Variants in OR11A1 observed in about 807,000 individuals in gnomAD.
The protein encoded by OR11A1 is olfactory receptor 11A1.
For missense variants in OR11A1, 380 were observed against 378.2 expected (o/e 1.00, Z -0.04); for synonymous variants, 158 against 152.2 (o/e 1.04, Z -0.28).
At chr6:29,447,499 A>T (rs760717171) in intron 1 of OR11A1, among the ~76,000 whole-genome samples, 3 of 152,238 alleles carry the variant, frequency 2.0e-5, no homozygotes, top group African/African-American at 4.8e-5. Context: ...TGTTGAATGA[A>T]TTTGAACGAG....
At chr6:29,439,551 G>A (rs1168027993) in intron 1 of OR11A1, 1 of 157,598 alleles carries the variant, frequency 6.3e-6, no homozygotes, top group Admixed American at 6.5e-5. Context: ...AAACTAGAGG[G>A]CAAGAGGTGA....
chr6:29,449,319 C>T (rs186244718), intron 1 of OR11A1, among the ~76,000 whole-genome samples: 6 of 152,262 alleles, frequency 3.9e-5, no homozygotes, highest in African/African-American at 1.4e-4. Flanking sequence ...GAAAACCTCT[C>T]TACTCTCTGT....
At chr6:29,441,900 G>A (rs922268464) in intron 1 of OR11A1, among the ~76,000 whole-genome samples, 1 of 152,192 alleles carries the variant, frequency 6.6e-6, no homozygotes, top group African/African-American at 2.4e-5. Flanking sequence ...CCATGTTGCT[G>A]CAAAGGACAT....
At chr6:29,440,612 C>T (rs775968069) in intron 1 of OR11A1, 5 of 1,613,890 alleles carry the variant, frequency 3.1e-6, no homozygotes, top group Non-Finnish European at 4.2e-6. Flanking sequence ...TGCAGATTAT[C>T]CTGGCAACAG....
intron 1 of OR11A1, among the ~76,000 whole-genome samples, chr6:29,442,180 G>C (rs1475172779): frequency 6.6e-6 from 1 of 152,190 alleles, no homozygotes; most frequent in Non-Finnish European, 1.5e-5. Flanking sequence ...AATATCAGTG[G>C]CATTGGAACC....
chr6:29,426,651 TG>T lies in OR11A1; in HGVS notation c.*42del, dbSNP rs1179268190. 1 of 1,501,780 alleles carries T rather than the reference TG, an allele frequency of 6.7e-7. No homozygotes were observed. Among genetic ancestry groups the T allele is most frequent in the Admixed American group, 1.8e-5 (1 of 54,998 alleles). 93.0% of individuals were successfully genotyped at this position (1,501,780 alleles called of 1,614,324 possible). A position where few individuals can be genotyped will look rare whatever the true frequency, so the allele number is the denominator to read the frequency against. ...CAACCCATCCTGGAAGAGTCCCCAG[TG>T]GAGGTGTCCGAAGTCCAAAATAACA... is the stretch of plus-strand genomic sequence containing the variant. On this transcript the variant is annotated 3_prime_UTR_variant, in exon 5 of 5. Transcript: ENST00000377149.
At chr6:29,431,579 C>T (rs1783233044) in intron 2 of OR11A1, among the ~76,000 whole-genome samples, 1 of 152,048 alleles carries the variant, frequency 6.6e-6, no homozygotes, top group African/African-American at 2.4e-5. Context: ...TACTGTTCCC[C>T]ATCTCCAAAA....
intron 3 of OR11A1, among the ~76,000 whole-genome samples, chr6:29,429,364 T>C (rs1236574306): frequency 1.3e-5 from 2 of 152,182 alleles, no homozygotes; most frequent in Non-Finnish European, 1.5e-5. Context: ...CCTTGACTAA[T>C]AGAGCCCTTT....
chr6:29,427,195 G>C lies in OR11A1; in HGVS notation c.447C>G (p.Thr149=), dbSNP rs1019097774. The change falls in exon 5 of 5, where the codon ACC becomes ACG. Residue 149 remains threonine (T), a synonymous_variant. Transcript: ENST00000377149. The part of the protein sequence containing the change: ...PRRYMGLVVT[T]WLSGFVVDGL... ...CATCTACCACAAATCCAGAGAGCCA[G>C]GTTGTGACCACCAGCCCCATGTACC... The C allele has an allele frequency of 1.9e-6, 3 of 1,613,014 alleles. No homozygotes were observed. The African/African-American group carries it at 4.0e-5, about 22-fold the overall frequency.
At chr6:29,448,010 C>CTTT (rs9280602) in intron 1 of OR11A1, among the ~76,000 whole-genome samples, 1,534 of 79,854 alleles carry the variant, frequency 0.019, 72 homozygotes, top group African/African-American at 0.034. Context: ...ATGACCCTTT[C>CTTT]TTTTTTTTTT....
In OR11A1 at chr6:29,427,279, A is replaced by G. The variant is rs961125255; in HGVS notation, c.363T>C (p.Tyr121=). 1 of 1,613,116 alleles carries G rather than the reference A, an allele frequency of 6.2e-7. No homozygotes were observed. Among genetic ancestry groups the G allele is most frequent in the African/African-American group, 1.3e-5 (1 of 75,056 alleles). The change falls in exon 5 of 5, where the codon TAT becomes TAC. Residue 121 remains tyrosine, a synonymous_variant. Transcript: ENST00000377149. ...AECLLLAVMA[Y]DRYLAICYPL... is the part of the protein sequence containing the mutation. Reference sequence around the variant, plus strand: ...GGTAGCAAATTGCCAGGTAGCGGTCATATGCCATGACAGCCAGCAGTAAGC... The same window carrying G: ...GGTAGCAAATTGCCAGGTAGCGGTCGTATGCCATGACAGCCAGCAGTAAGC...
chr6:29,451,463 G>A (rs1785367511), intron 1 of OR11A1, among the ~76,000 whole-genome samples: 1 of 152,178 alleles, frequency 6.6e-6, no homozygotes. Context: ...TCTGACAAAA[G>A]TCTAATATCC....
At chr6:29,428,866 T>C in intron 4 of OR11A1, 47 bp downstream of exon 4, 1 of 726,288 alleles carries the variant, frequency 1.4e-6, no homozygotes, top group Non-Finnish European at 1.7e-6. Flanking sequence ...CAAAGAGTTG[T>C]AATTGAGCAT....
intron 1 of OR11A1, among the ~76,000 whole-genome samples, chr6:29,445,625 C>T (rs1287619169): frequency 6.6e-6 from 1 of 152,150 alleles, no homozygotes; most frequent in Non-Finnish European, 1.5e-5. Context: ...CATGGTCCCC[C>T]TGCGTTTCTG....
chr6:29,439,985 T>A (rs1783969491), intron 1 of OR11A1: 1 of 1,568,482 alleles, frequency 6.4e-7, no homozygotes, highest in African/African-American at 1.4e-5. Flanking sequence ...TGCCATTTCT[T>A]TTGTCTTCCA....
chr6:29,455,309 A>G (rs1400657590), intron 1 of OR11A1, among the ~76,000 whole-genome samples: 1 of 152,238 alleles, frequency 6.6e-6, no homozygotes, highest in African/African-American at 2.4e-5. Flanking sequence ...ATATACTTTT[A>G]TCATAAAAGG....
chr6:29,449,256 G>A (rs545694355), intron 1 of OR11A1, among the ~76,000 whole-genome samples: 1 of 152,274 alleles, frequency 6.6e-6, no homozygotes, highest in African/African-American at 2.4e-5. Flanking sequence ...ACTCTAATAT[G>A]GGATGTTGTT....
chr6:29,427,865 G>T, intron 4 of OR11A1, 133 bp from the exon 5 acceptor site: 1 of 701,840 alleles, frequency 1.4e-6, no homozygotes, highest in South Asian at 2.4e-5. Flanking sequence ...TTCCTTAATT[G>T]TGCATATTCT....
chr6:29,434,652 T>C (rs1255066518), intron 1 of OR11A1, among the ~76,000 whole-genome samples: 1 of 152,214 alleles, frequency 6.6e-6, no homozygotes, highest in Admixed American at 6.5e-5. Flanking sequence ...CTGACTAATC[T>C]TAATTCTTAC....
Sources: gnomAD v4.1 joint callset for allele counts (sites outside exome capture counted in the v4.1 genomes callset) on GRCh38, gnomAD v4.1.1 for gene constraint, MANE v1.5 for transcripts, NCBI Gene and HGNC (gene_info 2026-07-23, HGNC 2026-07-21) for gene names.